Variants in FARS2 observed in about 807,000 individuals in gnomAD.
FARS2 encodes phenylalanine--tRNA ligase, mitochondrial.
Under a neutral mutation model 46.4 loss-of-function variants are expected in FARS2, and 40 were observed. The ratio of observed to expected loss-of-function variants is 0.86; its 90% CI spans 0.67 to 1.12. The LOEUF is 1.12. Among genes scored for constraint, FARS2 ranks in the 50% most tolerant of loss-of-function variants. The pLI is 0.00. For missense variants in FARS2, 513 were observed against 567.9 expected, an observed-to-expected ratio of 0.90 and a Z score of 0.98; for synonymous variants, 234 against 214.9, an observed-to-expected ratio of 1.09 and a Z score of -0.78.
In FARS2 at chr6:5,633,262, C is replaced by CTTTTTTT. The variant is rs59797062; in HGVS notation, c.1217+19967_1217+19973dup. Among the ~76,000 whole-genome samples, 16 of 50,084 alleles carry CTTTTTTT rather than the reference C, an allele frequency of 3.2e-4. 1 individual carries two copies. Among genetic ancestry groups the CTTTTTTT allele is most frequent in the African/African-American group, 5.8e-4 (8 of 13,812 alleles). 32.9% of individuals were successfully genotyped at this position (50,084 alleles called of 152,430 possible). On this transcript the variant is annotated intron_variant, in intron 6 of 6. Transcript: ENST00000274680. The stretch of plus-strand genomic sequence containing the variant: ...TACAGGTACATGCCACCATCCCTGG[C>CTTTTTTT]TTTTTTTTTTTTTTTTTTTTTTTTT...
chr6:5,280,186 A>C (rs1766624258), intron 1 of FARS2, among the ~76,000 whole-genome samples: 2 of 152,194 alleles, frequency 1.3e-5, no homozygotes, highest in Admixed American at 6.5e-5. Flanking sequence ...GGCATAAATA[A>C]TGATAGCATG....
In FARS2 at chr6:5,649,009, G is replaced by T. The variant is rs144361925; in HGVS notation, c.1217+35689G>T. Among the ~76,000 whole-genome samples the T allele has an allele frequency of 5.1e-3, 784 of 152,294 alleles. 6 individuals are homozygous for T. Among genetic ancestry groups the T allele is most frequent in the African/African-American group, 0.018 (748 of 41,548 alleles). ...TCTGTGGGTCAATAGTTAAGGTTGGGATTTAGGAGCTCCTCATTATTCTAT... is the reference window on the plus strand; with the variant it reads ...TCTGTGGGTCAATAGTTAAGGTTGGTATTTAGGAGCTCCTCATTATTCTAT... On this transcript the variant is annotated intron_variant, in intron 6 of 6. Coordinates refer to ENST00000274680, the MANE Select transcript of FARS2 (RefSeq NM_006567.5).
chr6:5,564,804 T>C (rs1772231468), intron 5 of FARS2, among the ~76,000 whole-genome samples: 1 of 152,198 alleles, frequency 6.6e-6, no homozygotes, highest in Non-Finnish European at 1.5e-5. Context: ...CCTCTCGAGG[T>C]CCCAAGATAA....
rs533507679 is a variant in FARS2, at chr6:5,548,035, T to A, written c.1065+2695T>A. Among the ~76,000 whole-genome samples the A allele has an allele frequency of 1.2e-4, 19 of 152,266 alleles. No homozygotes were observed. The South Asian group carries it at 2.3e-3, about 18-fold the overall frequency. ...TGGGGAGGCCTCAGAATCATGGCGG[T>A]GGGCGAAAGGCACTTCTTACATGGC... is the stretch of plus-strand genomic sequence containing the variant. On this transcript the variant is annotated intron_variant, in intron 5 of 6. Transcript: ENST00000274680.
At chr6:5,638,335 C>T (rs1351411861) in intron 6 of FARS2, among the ~76,000 whole-genome samples, 2 of 152,154 alleles carry the variant, frequency 1.3e-5, no homozygotes, top group African/African-American at 4.8e-5. Context: ...GAGGCCGAGG[C>T]GGGTGGATCA....
At chr6:5,458,752 A>G (rs1237625024) in intron 4 of FARS2, among the ~76,000 whole-genome samples, 3 of 152,154 alleles carry the variant, frequency 2.0e-5, no homozygotes, top group African/African-American at 7.2e-5. Context: ...ATTTCCCTTG[A>G]TATTTTTCAT....
chr6:5,761,918 C>T (rs1762497308), intron 6 of FARS2, among the ~76,000 whole-genome samples: 1 of 152,012 alleles, frequency 6.6e-6, no homozygotes, highest in Non-Finnish European at 1.5e-5. Flanking sequence ...AAACCAATCA[C>T]ATGAGACTCA....
intron 5 of FARS2, among the ~76,000 whole-genome samples, chr6:5,545,619 C>T (rs1205770117): frequency 6.6e-6 from 1 of 151,980 alleles, no homozygotes; most frequent in Non-Finnish European, 1.5e-5. Flanking sequence ...TGCCTGCCAC[C>T]CCGCAACAGG....
At chr6:5,685,152 A>AG (rs146287467) in intron 6 of FARS2, among the ~76,000 whole-genome samples, 5,595 of 152,222 alleles carry the variant, frequency 0.037, 341 homozygotes, top group African/African-American at 0.12. Flanking sequence ...TGGAAGCAAA[A>AG]GGGGAGGGTT....
At chr6:5,385,070 G>A (rs996656574) in intron 2 of FARS2, among the ~76,000 whole-genome samples, 1 of 152,208 alleles carries the variant, frequency 6.6e-6, no homozygotes, top group African/African-American at 2.4e-5. Context: ...ATATCAATTA[G>A]TTAAAACAGG....
intron 4 of FARS2, among the ~76,000 whole-genome samples, chr6:5,529,902 G>A (rs1436887964): frequency 1.3e-5 from 2 of 152,176 alleles, no homozygotes; most frequent in African/African-American, 2.4e-5. Context: ...TAGCTGGTTG[G>A]ATGATGTAAG....
At chr6:5,454,695 T>A (rs1764731763) in intron 4 of FARS2, among the ~76,000 whole-genome samples, 1 of 152,164 alleles carries the variant, frequency 6.6e-6, no homozygotes, top group South Asian at 2.1e-4. Flanking sequence ...CCCGATAATC[T>A]CCGTATAATC....
chr6:5,771,207 G>T, intron 6 of FARS2, 84 bp from the exon 7 acceptor site: 3 of 1,530,442 alleles, frequency 2.0e-6, no homozygotes, highest in South Asian at 1.2e-5. Flanking sequence ...CAGTTGGGGA[G>T]ATCTGGCCAG....
chr6:5,351,252 A>G (rs958591695), intron 1 of FARS2, among the ~76,000 whole-genome samples: 1 of 152,220 alleles, frequency 6.6e-6, no homozygotes, highest in Non-Finnish European at 1.5e-5. Context: ...AAGCCATTTT[A>G]TGCAAATATG....
chr6:5,565,634 C>T (rs533052186), intron 5 of FARS2, among the ~76,000 whole-genome samples: 2 of 152,256 alleles, frequency 1.3e-5, no homozygotes, highest in South Asian at 4.1e-4. Flanking sequence ...AAATCCCATA[C>T]AATTTTGGAA....
rs4959349 is a variant in FARS2, at chr6:5,686,348, C to T, written c.1217+73028C>T. The stretch of plus-strand genomic sequence containing the variant: ...GGTATATCTCCTAATGCTCTCCCCC[C>T]CCGCTGCCCACACCACGCAACAGGC... On this transcript the variant is annotated intron_variant, in intron 6 of 6. Transcript: ENST00000274680. 8.7e-4 allele frequency among the ~76,000 whole-genome samples: 132 copies of T among 151,160 alleles called. 8 individuals are homozygous for T. Among genetic ancestry groups the T allele is most frequent in the African/African-American group, 2.7e-3 (110 of 40,598 alleles).
intron 4 of FARS2, among the ~76,000 whole-genome samples, chr6:5,477,151 CA>C (rs1766171633): frequency 6.6e-6 from 1 of 152,172 alleles, no homozygotes; most frequent in Non-Finnish European, 1.5e-5. Flanking sequence ...ATGTGCCTAT[CA>C]TAATAATTTG....
chr6:5,469,323 C>T (rs1033713962), intron 4 of FARS2, among the ~76,000 whole-genome samples: 4 of 152,222 alleles, frequency 2.6e-5, no homozygotes, highest in African/African-American at 4.8e-5. Context: ...TACCTCACAG[C>T]AGAACCGGCC....
chr6:5,263,407 T>C (rs1765331943), intron 1 of FARS2, among the ~76,000 whole-genome samples: 1 of 152,212 alleles, frequency 6.6e-6, no homozygotes, highest in African/African-American at 2.4e-5. Context: ...TACCTTATTA[T>C]TTTATTTAAA....
Sources: gnomAD v4.1 joint callset for allele counts (sites outside exome capture counted in the v4.1 genomes callset) on GRCh38, gnomAD v4.1.1 for gene constraint, MANE v1.5 for transcripts, NCBI Gene and HGNC (gene_info 2026-07-23, HGNC 2026-07-21) for gene names.